Variants in KIAA0753 observed in about 807,000 individuals in gnomAD.
The protein encoded by KIAA0753 is KIAA0753, also known as protein moonraker.
In KIAA0753, 114 loss-of-function variants were observed where a neutral mutation model predicts 116.9. The observed-to-expected ratio is 0.98, with a 90% CI of 0.84 to 1.14. The LOEUF (loss-of-function observed/expected upper bound fraction) is 1.14, where lower values mean the gene tolerates loss of function less well. KIAA0753 is among the 50% of genes most tolerant of loss of function. The pLI is 0.00. For synonymous variants in KIAA0753, 405 were observed against 413.1 expected (o/e 0.98, Z 0.24); for missense variants, 1,156 against 1,172.4 (o/e 0.99, Z 0.20).
At chr17:6,630,193 AC>A (rs1252747347) in intron 2 of KIAA0753, among the ~76,000 whole-genome samples, 1 of 151,984 alleles carries the variant, frequency 6.6e-6, no homozygotes, top group African/African-American at 2.4e-5. Flanking sequence ...ACAGGGAAAA[AC>A]ATATGACCAA....
intron 8 of KIAA0753, among the ~76,000 whole-genome samples, chr17:6,611,248 C>A (rs1044925845): frequency 2.0e-5 from 3 of 152,156 alleles, no homozygotes; most frequent in Non-Finnish European, 2.9e-5. Context: ...CCCTAGGATG[C>A]CCTTTTAATA....
intron 14 of KIAA0753, among the ~76,000 whole-genome samples, chr17:6,597,410 A>C (rs1969558003): frequency 6.6e-6 from 1 of 152,232 alleles, no homozygotes; most frequent in Admixed American, 6.5e-5. Context: ...AGAATGGAAC[A>C]CCAAAAATAC....
At position 6,596,387 on chromosome 17, in the gene KIAA0753, T is replaced by G. The variant is rs771458947; in HGVS notation, c.2173-44A>C. The G allele has an allele frequency of 1.2e-5, 16 of 1,372,506 alleles. No individual in the cohort carries two copies. In the South Asian group the frequency reaches 2.0e-4, roughly 17 times the overall value. The allele number at this position is 1,372,506 out of a possible 1,614,324, so 85.0% of individuals were successfully genotyped here. ...TGGGGAGGAGAGGCATGGGGTGGATTAGGGGTGGGAAGGTGATATAATGAA... is the reference window on the plus strand; with the variant it reads ...TGGGGAGGAGAGGCATGGGGTGGATGAGGGGTGGGAAGGTGATATAATGAA... On this transcript the variant is annotated intron_variant, in intron 14 of 18. Transcript: ENST00000361413.
At position 6,628,516 on chromosome 17, in the gene KIAA0753, C is replaced by G; in HGVS notation, c.319G>C (p.Asp107His). ...TTTTCAAATTGTCTTCGTTTCACATCTCTTCTGGCTAGGTGGACAGCATAG... is the reference window on the plus strand; with the variant it reads ...TTTTCAAATTGTCTTCGTTTCACATGTCTTCTGGCTAGGTGGACAGCATAG... ...LSYAVHLARR[D>H]VKRRQFEKHI... Residue 107 changes from aspartate (D) to histidine (H), a missense_variant, in exon 3 of 19, where the codon GAT (aspartate) becomes CAT (histidine). Asp to His is a moderately conservative substitution (Grantham distance 81). Transcript: ENST00000361413. The G allele has an allele frequency of 6.2e-7, 1 of 1,614,186 alleles. No homozygotes were observed. The highest frequency in any genetic ancestry group is 8.5e-7 in the Non-Finnish European group (1 of 1,180,024).
intron 15 of KIAA0753, among the ~76,000 whole-genome samples, chr17:6,595,386 C>T (rs1428834931): frequency 6.6e-6 from 1 of 152,164 alleles, no homozygotes; most frequent in Non-Finnish European, 1.5e-5. Context: ...TTAATAAGCA[C>T]CTGCGGCTAG....
intron 13 of KIAA0753, among the ~76,000 whole-genome samples, 198 bp from the exon 14 acceptor site, chr17:6,599,518 C>A (rs993216284): frequency 6.6e-6 from 1 of 150,974 alleles, no homozygotes; most frequent in Non-Finnish European, 1.5e-5. Context: ...CAGCCTTTTT[C>A]TTCCCTCAAC....
intron 16 of KIAA0753, among the ~76,000 whole-genome samples, chr17:6,592,374 T>TACTC (rs1434300443): frequency 6.6e-6 from 1 of 152,202 alleles, no homozygotes; most frequent in African/African-American, 2.4e-5. Flanking sequence ...ATGAGGGTAG[T>TACTC]ACTCACGGCG....
intron 2 of KIAA0753, among the ~76,000 whole-genome samples, chr17:6,633,887 G>A (rs1972150992): frequency 6.6e-6 from 1 of 151,992 alleles, no homozygotes; most frequent in Non-Finnish European, 1.5e-5. Flanking sequence ...GGGGAGGAGT[G>A]GGGGTTATCT....
intron 3 of KIAA0753, among the ~76,000 whole-genome samples, chr17:6,626,180 G>C (rs1299490067): frequency 1.3e-5 from 2 of 151,328 alleles, no homozygotes; most frequent in Non-Finnish European, 2.9e-5. Flanking sequence ...ACTGTTTGAA[G>C]AAGATGCAAT....
At chr17:6,598,332 C>T (rs1969617935) in intron 14 of KIAA0753, among the ~76,000 whole-genome samples, 1 of 152,132 alleles carries the variant, frequency 6.6e-6, no homozygotes. Flanking sequence ...TCTTAGAAGC[C>T]TCACCTCACA....
At chr17:6,636,178 G>A (rs1005869591) in intron 1 of KIAA0753, 2 of 152,080 alleles carry the variant, frequency 1.3e-5, no homozygotes, top group African/African-American at 4.8e-5. Context: ...TTGCAGACTA[G>A]ATTTGCTTAA....
chr17:6,582,649 A>G (rs1417587330), intron 18 of KIAA0753, among the ~76,000 whole-genome samples: 7 of 152,072 alleles, frequency 4.6e-5, no homozygotes, highest in Admixed American at 6.5e-5. Flanking sequence ...GGCATTTTCT[A>G]TATTTGTCTC....
intron 2 of KIAA0753, among the ~76,000 whole-genome samples, chr17:6,629,785 G>A (rs1374396283): frequency 6.6e-6 from 1 of 152,124 alleles, no homozygotes; most frequent in Admixed American, 6.5e-5. Context: ...AATCAATTGT[G>A]ACAAAACTTC....
chr17:6,635,720 C>CT (rs1258969724), intron 1 of KIAA0753: 10 of 152,632 alleles, frequency 6.6e-5, no homozygotes, highest in Admixed American at 2.6e-4. Context: ...TTCCCCCAAT[C>CT]TTTCCCCCAC....
chr17:6,588,898 G>A (rs1056847131), intron 18 of KIAA0753, among the ~76,000 whole-genome samples: 1 of 152,144 alleles, frequency 6.6e-6, no homozygotes, highest in Non-Finnish European at 1.5e-5. Flanking sequence ...AAAGAAAGGA[G>A]GAGAAGGGTT....
chr17:6,609,805 CAGA>C (rs1211875661), intron 9 of KIAA0753, among the ~76,000 whole-genome samples, 186 bp downstream of exon 9: 4 of 152,086 alleles, frequency 2.6e-5, no homozygotes, highest in African/African-American at 9.7e-5. Flanking sequence ...CACAGTCAGG[CAGA>C]AGAAGGAACC....
At chr17:6,609,093 T>C (rs1318492437) in intron 9 of KIAA0753, among the ~76,000 whole-genome samples, 1 of 152,214 alleles carries the variant, frequency 6.6e-6, no homozygotes, top group African/African-American at 2.4e-5. Context: ...AAACATTGTT[T>C]CCTTAACTTG....
chr17:6,600,518 AT>A lies in KIAA0753; in HGVS notation c.2010-61del, dbSNP rs1969795509. The A allele has an allele frequency of 2.2e-6, 3 of 1,345,730 alleles. No individual in the cohort carries two copies. The Admixed American group carries it at 5.2e-5, about 23-fold the overall frequency. 83.4% of individuals were successfully genotyped at this position (1,345,730 alleles called of 1,614,324 possible). ...GGCAATAAAATATCCTATTTTGCAT[AT>A]TTATTTGCCACTCCAGGAGAAGGGA... is the stretch of plus-strand genomic sequence containing the variant. On this transcript the variant is annotated intron_variant, in intron 12 of 18. Coordinates refer to ENST00000361413, the MANE Select transcript of KIAA0753 (RefSeq NM_014804.3).
At position 6,621,188 on chromosome 17, in the gene KIAA0753, C is replaced by T. The variant is rs181451736; in HGVS notation, c.1105-190G>A. On this transcript the variant is annotated intron_variant, in intron 6 of 18. Coordinates refer to ENST00000361413, the MANE Select transcript of KIAA0753 (RefSeq NM_014804.3). ...TAATTAGTAACAATTTCTGTGAGTA[C>T]TTTCAGATGTGTAGCTCACTAAAGC... 4.4e-3 allele frequency among the ~76,000 whole-genome samples: 675 copies of T among 152,252 alleles called. 5 individuals carry two copies. The highest frequency in any genetic ancestry group is 7.2e-3 in the Admixed American group (110 of 15,280).
Sources: gnomAD v4.1 joint callset for allele counts (sites outside exome capture counted in the v4.1 genomes callset) on GRCh38, gnomAD v4.1.1 for gene constraint, MANE v1.5 for transcripts, NCBI Gene and HGNC (gene_info 2026-07-23, HGNC 2026-07-21) for gene names.